Variants in SYNE1 observed in about 807,000 individuals in gnomAD.
The protein encoded by SYNE1 is spectrin repeat containing nuclear envelope protein 1, also known as nesprin-1.
A neutral mutation model predicts 1,111.0 loss-of-function variants in SYNE1; 616 were observed. That is an observed-to-expected ratio of 0.55 (90% CI 0.52 to 0.59). SYNE1 has a LOEUF of 0.59. Among genes scored for constraint, SYNE1 ranks in the 20% least tolerant of loss-of-function variants. SYNE1 has a pLI of 0.00. For missense variants in SYNE1, 10,006 were observed against 10,417.0 expected (o/e 0.96, Z 1.72); for synonymous variants, 3,855 against 3,825.8 (o/e 1.01, Z -0.28).
intron 2 of SYNE1, among the ~76,000 whole-genome samples, chr6:152,630,897 A>T (rs1226983209): frequency 1.3e-5 from 2 of 152,202 alleles, no homozygotes; most frequent in African/African-American, 2.4e-5. Context: ...AATACTGTGC[A>T]TGCCCTCTCT....
intron 24 of SYNE1, 39 bp downstream of exon 24, chr6:152,455,387 A>C: frequency 6.3e-7 from 1 of 1,595,870 alleles, no homozygotes; most frequent in South Asian, 1.1e-5. Flanking sequence ...TTGTTTGTCC[A>C]TGTATTCAGG....
intron 3 of SYNE1, among the ~76,000 whole-genome samples, chr6:152,589,440 C>T (rs565093477): frequency 3.9e-5 from 6 of 152,174 alleles, no homozygotes; most frequent in South Asian, 2.1e-4. Context: ...GAAAACTCTT[C>T]ATCTTCTCAT....
intron 3 of SYNE1, among the ~76,000 whole-genome samples, chr6:152,544,800 T>C (rs1166369800): frequency 6.6e-6 from 1 of 152,222 alleles, no homozygotes; most frequent in East Asian, 1.9e-4. Flanking sequence ...TGGTTTACTC[T>C]AGGTGACTTA....
chr6:152,564,682 A>C (rs948021095), intron 3 of SYNE1, among the ~76,000 whole-genome samples: 7 of 151,776 alleles, frequency 4.6e-5, no homozygotes, highest in Non-Finnish European at 1.0e-4. Flanking sequence ...AATGTTAACT[A>C]TTCTCATGAT....
At chr6:152,460,092 A>C (rs1011209479) in intron 21 of SYNE1, among the ~76,000 whole-genome samples, 18 of 152,172 alleles carry the variant, frequency 1.2e-4, no homozygotes, top group African/African-American at 4.1e-4. Flanking sequence ...AAGATGCTGC[A>C]TCTGAAACAG....
intron 85 of SYNE1, 23 bp from the exon 86 acceptor site, chr6:152,318,286 G>C: frequency 6.2e-7 from 1 of 1,613,622 alleles, no homozygotes; most frequent in Non-Finnish European, 8.5e-7. Flanking sequence ...CAAAATGAAA[G>C]AACATTAGAG....
At chr6:152,310,909 G>T in intron 87 of SYNE1, 36 bp from the exon 88 acceptor site, 1 of 1,594,580 alleles carries the variant, frequency 6.3e-7, no homozygotes, top group Non-Finnish European at 8.6e-7. Context: ...ACATTGACGG[G>T]CAGGTAGAGG....
intron 98 of SYNE1, among the ~76,000 whole-genome samples, chr6:152,270,751 GA>G: frequency 6.6e-6 from 1 of 152,306 alleles, no homozygotes; most frequent in Middle Eastern, 3.4e-3. Context: ...ACAGATAACT[GA>G]GCTGAAGATA....
At chr6:152,251,081 C>A (rs756938827) in intron 104 of SYNE1, among the ~76,000 whole-genome samples, 17 of 152,064 alleles carry the variant, frequency 1.1e-4, no homozygotes, top group Non-Finnish European at 2.4e-4. Flanking sequence ...TCCCAAGTAG[C>A]TGGGACTATA....
In SYNE1 at chr6:152,407,004, G is replaced by A; in HGVS notation, c.6723+10C>T. On this transcript the variant is annotated intron_variant, in intron 45 of 145. Coordinates refer to ENST00000367255, the MANE Select transcript of SYNE1 (RefSeq NM_182961.4). ...CCACCAGCTGCCATATGTCAACACA[G>A]TCAATTTACCTCAAATTCTTTAAGC... 1 of 1,611,802 alleles carries A rather than the reference G, an allele frequency of 6.2e-7. No homozygotes were observed. The highest frequency in any genetic ancestry group is 8.5e-7 in the Non-Finnish European group (1 of 1,179,368).
At chr6:152,393,154 T>C (rs1435569828) in intron 51 of SYNE1, among the ~76,000 whole-genome samples, 1 of 152,174 alleles carries the variant, frequency 6.6e-6, no homozygotes, top group African/African-American at 2.4e-5. Context: ...TGCTTATCAA[T>C]GCGAAAAAGT....
chr6:152,571,065 T>TAC (rs2099452632), intron 3 of SYNE1, among the ~76,000 whole-genome samples: 1 of 151,964 alleles, frequency 6.6e-6, no homozygotes, highest in African/African-American at 2.4e-5. Context: ...CTCTGGTCTT[T>TAC]TTTGACCTAC....
chr6:152,302,343 G>T, intron 91 of SYNE1: 1 of 529,144 alleles, frequency 1.9e-6, no homozygotes, highest in Non-Finnish European at 3.4e-6. Context: ...GTTTCTAATC[G>T]CGAGAGGCCC....
chr6:152,430,636 T>A lies in SYNE1; in HGVS notation c.4535A>T (p.Gln1512Leu), dbSNP rs141597053. The change falls in exon 35 of 146, where the codon CAG becomes CTG. Residue 1512 changes from glutamine (Q) to leucine (L), a missense_variant. By Grantham distance (113) the Gln-to-Leu change is moderately radical. Coordinates refer to ENST00000367255, the MANE Select transcript of SYNE1 (RefSeq NM_182961.4). ...GLEEEAQSFA[Q>L]FVTTGESARI... ...AGCAGATTCTCCAGTGGTAACAAACTGAGCAAAAGACTGGGCTTCTTCTTC... is the reference window on the plus strand; with the variant it reads ...AGCAGATTCTCCAGTGGTAACAAACAGAGCAAAAGACTGGGCTTCTTCTTC... The A allele has an allele frequency of 5.6e-6, 9 of 1,614,044 alleles. No homozygotes were observed. Among genetic ancestry groups the A allele is most frequent in the Non-Finnish European group, 6.8e-6 (8 of 1,180,024 alleles).
intron 145 of SYNE1, chr6:152,128,021 G>A (rs1267822405): frequency 2.0e-5 from 3 of 152,150 alleles, no homozygotes. Context: ...CTAAGCTTTA[G>A]AATGAAGTCA....
intron 95 of SYNE1, among the ~76,000 whole-genome samples, chr6:152,289,136 A>G (rs565500027): frequency 2.0e-5 from 3 of 152,272 alleles, no homozygotes; most frequent in Non-Finnish European, 2.9e-5. Context: ...TAGCCATCAA[A>G]TATGTCTTCA....
chr6:152,208,110 A>T lies in SYNE1; in HGVS notation c.22686T>A (p.Ile7562=). Residue 7562 remains isoleucine, a synonymous_variant, in exon 125 of 146, where the codon ATT becomes ATA. Transcript: ENST00000367255. ...TCTCCCTATAGCGCTGCCACTGGCG[A>T]ATCTGGCTGTCAATGATCCCCCGCC... is the stretch of plus-strand genomic sequence containing the variant. ...QQRRGIIDSQ[I]RQWQRYREMA... The T allele has an allele frequency of 6.2e-7, 1 of 1,614,110 alleles. No individual in the cohort carries two copies. The highest frequency in any genetic ancestry group is 8.5e-7 in the Non-Finnish European group (1 of 1,180,016).
In SYNE1 at chr6:152,289,641, T is replaced by G. The variant is rs1023158520; in HGVS notation, c.18012+3947A>C. ...TATTTTATTTATTTATTTATTTATT[T>G]TTTGAGACGGAGTCTCGCTCTGTCG... is the stretch of plus-strand genomic sequence containing the variant. On this transcript the variant is annotated intron_variant, in intron 95 of 145. Transcript: ENST00000367255. 2.6e-5 allele frequency among the ~76,000 whole-genome samples: 4 copies of G among 152,170 alleles called. No homozygotes were observed. In the South Asian group the frequency reaches 6.2e-4, roughly 24 times the overall value.
At chr6:152,219,238 T>A in intron 119 of SYNE1, 53 bp from the exon 120 acceptor site, 1 of 1,552,634 alleles carries the variant, frequency 6.4e-7, no homozygotes, top group African/African-American at 1.4e-5. Flanking sequence ...CTCCTTATCA[T>A]AAACAGCAAT....
Sources: gnomAD v4.1 joint callset for allele counts (sites outside exome capture counted in the v4.1 genomes callset) on GRCh38, gnomAD v4.1.1 for gene constraint, MANE v1.5 for transcripts, NCBI Gene and HGNC (gene_info 2026-07-23, HGNC 2026-07-21) for gene names.